POFUT3: variants seen among roughly 807,000 people sequenced by gnomAD.
The protein encoded by POFUT3 is GDP-fucose protein O-fucosyltransferase 3.
the POFUT3 span, among the ~76,000 whole-genome samples, chr8:33,442,448 C>T: frequency 6.6e-6 from 1 of 151,630 alleles, no homozygotes; most frequent in Admixed American, 6.6e-5. Flanking sequence ...CCACCACACC[C>T]AGCTAATTAT....
chr8:33,379,850 T>A, the POFUT3 span, among the ~76,000 whole-genome samples: 4,764 of 117,290 alleles, frequency 0.041, 147 homozygotes, highest in Non-Finnish European at 0.06. Flanking sequence ...AAAAAAAATA[T>A]ATATATATAT....
At chr8:33,472,164 T>A in the POFUT3 span, among the ~76,000 whole-genome samples, 1 of 152,206 alleles carries the variant, frequency 6.6e-6, no homozygotes, top group Admixed American at 6.5e-5. Flanking sequence ...AAAGCCAACT[T>A]GCCTTATTCA....
the POFUT3 span, among the ~76,000 whole-genome samples, chr8:33,326,230 C>T: frequency 2.0e-5 from 3 of 152,212 alleles, no homozygotes; most frequent in African/African-American, 4.8e-5. Flanking sequence ...AAGCATGGCC[C>T]CAAATCTCAG....
the POFUT3 span, among the ~76,000 whole-genome samples, chr8:33,341,935 G>A: frequency 6.6e-6 from 1 of 152,078 alleles, no homozygotes; most frequent in Non-Finnish European, 1.5e-5. Flanking sequence ...GCTCATGCCT[G>A]TAATCCCAGC....
chr8:33,468,535 C>T, the POFUT3 span, among the ~76,000 whole-genome samples: 10 of 152,318 alleles, frequency 6.6e-5, no homozygotes, highest in South Asian at 2.1e-4. Flanking sequence ...CACTGGATAA[C>T]GTATAAATCT....
the POFUT3 span, among the ~76,000 whole-genome samples, chr8:33,380,005 T>A: frequency 1.3e-5 from 1 of 75,782 alleles, no homozygotes; most frequent in East Asian, 4.9e-4. Context: ...ATATATATAC[T>A]ATATATATAG....
At chr8:33,315,315 C>T in the POFUT3 span, among the ~76,000 whole-genome samples, 1 of 152,286 alleles carries the variant, frequency 6.6e-6, no homozygotes, top group East Asian at 1.9e-4. Context: ...AGGCTATAAG[C>T]AGTCAGTGTT....
chr8:33,458,789 T>C, the POFUT3 span, among the ~76,000 whole-genome samples: 1 of 151,954 alleles, frequency 6.6e-6, no homozygotes, highest in Non-Finnish European at 1.5e-5. Flanking sequence ...ATGTCAGGCC[T>C]TCTGTGCAGC....
At chr8:33,403,657 G>C in the POFUT3 span, among the ~76,000 whole-genome samples, 1 of 152,142 alleles carries the variant, frequency 6.6e-6, no homozygotes, top group African/African-American at 2.4e-5. Flanking sequence ...AAGAGTTCAA[G>C]GCTGCAGTGA....
the POFUT3 span, among the ~76,000 whole-genome samples, chr8:33,317,528 A>G: frequency 6.6e-6 from 1 of 152,174 alleles, no homozygotes; most frequent in East Asian, 1.9e-4. Context: ...AGGCCAAACC[A>G]ACGTATAACC....
the POFUT3 span, among the ~76,000 whole-genome samples, chr8:33,360,043 C>T: frequency 6.6e-6 from 1 of 151,012 alleles, no homozygotes; most frequent in Non-Finnish European, 1.5e-5. Flanking sequence ...AAAACAACAA[C>T]AAAAAACAAA....
chr8:33,399,725 G>C, the POFUT3 span, among the ~76,000 whole-genome samples: 3 of 151,890 alleles, frequency 2.0e-5, no homozygotes, highest in African/African-American at 7.3e-5. Context: ...CACAATCTCA[G>C]CTCACTGCAA....
At chr8:33,433,429 G>A in the POFUT3 span, among the ~76,000 whole-genome samples, 1 of 151,666 alleles carries the variant, frequency 6.6e-6, no homozygotes, top group Non-Finnish European at 1.5e-5. Context: ...TGGCTAACAC[G>A]GTGAAACCCC....
the POFUT3 span, among the ~76,000 whole-genome samples, chr8:33,458,588 C>T: frequency 3.7e-4 from 57 of 152,012 alleles, no homozygotes; most frequent in Non-Finnish European, 5.3e-4. Context: ...TGGTGGCAGG[C>T]ACCTGTAATC....
At chr8:33,318,332 A>T in the POFUT3 span, among the ~76,000 whole-genome samples, 1 of 151,000 alleles carries the variant, frequency 6.6e-6, no homozygotes, top group East Asian at 1.9e-4. Context: ...CTAGAAATAA[A>T]TATTTATACA....
chr8:33,422,263 C>T, the POFUT3 span, among the ~76,000 whole-genome samples: 1 of 151,172 alleles, frequency 6.6e-6, no homozygotes, highest in Non-Finnish European at 1.5e-5. Flanking sequence ...GGTTTCCAGG[C>T]CTGGCGCGGT....
chr8:33,315,049 T>C, the POFUT3 span, among the ~76,000 whole-genome samples: 1 of 152,208 alleles, frequency 6.6e-6, no homozygotes, highest in South Asian at 2.1e-4. Flanking sequence ...CTTATCAGAC[T>C]GCACATTTAC....
chr8:33,318,562 TATAATATATA>T, the POFUT3 span, among the ~76,000 whole-genome samples: 1 of 92,046 alleles, frequency 1.1e-5, no homozygotes, highest in Non-Finnish European at 1.9e-5. Context: ...TAAATATATA[TATAATATATA>T]AATATATTGT....
the POFUT3 span, among the ~76,000 whole-genome samples, chr8:33,376,022 GA>G: frequency 2.4e-4 from 30 of 124,590 alleles, no homozygotes; most frequent in East Asian, 8.6e-4. Flanking sequence ...ATCTCAAAAA[GA>G]AAAAAAAAAA....
Sources: allele counts gnomAD v4.1 joint callset (sites outside exome capture counted in the v4.1 genomes callset), GRCh38; gene constraint gnomAD v4.1.1; transcripts MANE v1.5; gene names NCBI Gene and HGNC (gene_info 2026-07-23, HGNC 2026-07-21).